The following MAPRE2 variants were observed in gnomAD, a reference collection of about 807,000 sequenced individuals.
MAPRE2 encodes the protein microtubule associated protein RP/EB family member 2, also known as microtubule-associated protein RP/EB family member 2.
In MAPRE2, 13 loss-of-function variants were observed where a neutral mutation model predicts 43.2. The observed-to-expected ratio is 0.30, with a 90% CI of 0.20 to 0.48. The LOEUF is 0.48. Ranked by LOEUF, MAPRE2 falls within the 20% of genes least tolerant of loss-of-function variation. MAPRE2 has a pLI of 0.99. For missense variants in MAPRE2, 161 were observed against 400.2 expected (o/e 0.40, Z 5.10); for synonymous variants, 135 against 148.8 (o/e 0.91, Z 0.68).
At chr18:35,002,136 T>C (rs1454122967) in intron 1 of MAPRE2, among the ~76,000 whole-genome samples, 1 of 152,194 alleles carries the variant, frequency 6.6e-6, no homozygotes, top group African/African-American at 2.4e-5. Context: ...TAATCTGTGC[T>C]CCATTTCTAT....
At chr18:35,020,762 A>T (rs1030897417) in intron 2 of MAPRE2, among the ~76,000 whole-genome samples, 1 of 152,172 alleles carries the variant, frequency 6.6e-6, no homozygotes, top group African/African-American at 2.4e-5. Flanking sequence ...CTGTGTCCAT[A>T]AATTTGATAT....
intron 1 of MAPRE2, among the ~76,000 whole-genome samples, chr18:35,053,173 C>T (rs903130364): frequency 6.6e-6 from 1 of 152,054 alleles, no homozygotes; most frequent in Non-Finnish European, 1.5e-5. Context: ...GTGGGTGGAT[C>T]ACTTGAGGTC....
At chr18:35,137,422 G>A (rs902570649) in intron 6 of MAPRE2, among the ~76,000 whole-genome samples, 3 of 152,222 alleles carry the variant, frequency 2.0e-5, no homozygotes, top group African/African-American at 7.2e-5. Flanking sequence ...TTTATTACAG[G>A]CTCAATGATT....
intron 6 of MAPRE2, 86 bp downstream of exon 6, chr18:35,132,276 C>A: frequency 8.0e-7 from 1 of 1,243,214 alleles, no homozygotes; most frequent in Non-Finnish European, 1.1e-6. Flanking sequence ...TAGAATACTT[C>A]CCCAGGACCT....
At chr18:35,045,166 T>C (rs1387332806) in intron 1 of MAPRE2, among the ~76,000 whole-genome samples, 1 of 152,238 alleles carries the variant, frequency 6.6e-6, no homozygotes, top group East Asian at 1.9e-4. Flanking sequence ...TTTTAAGACC[T>C]GCTTAAAAAA....
chr18:35,068,234 T>C (rs1370817453), intron 1 of MAPRE2, among the ~76,000 whole-genome samples: 1 of 152,224 alleles, frequency 6.6e-6, no homozygotes, highest in Non-Finnish European at 1.5e-5. Context: ...TATCTAGTCA[T>C]GTTTAAAAAT....
chr18:35,041,694 A>T, intron 1 of MAPRE2, 33 bp downstream of exon 1: 2 of 1,613,710 alleles, frequency 1.2e-6, no homozygotes, highest in Non-Finnish European at 1.7e-6. Flanking sequence ...AGCGCCGGGG[A>T]CCGCCGTGAG....
At chr18:34,998,617 G>A (rs1288567149) in intron 1 of MAPRE2, among the ~76,000 whole-genome samples, 6 of 151,498 alleles carry the variant, frequency 4.0e-5, no homozygotes, top group Non-Finnish European at 7.4e-5. Context: ...ATGAGCCACC[G>A]TGCCTGGCCT....
intron 2 of MAPRE2, among the ~76,000 whole-genome samples, chr18:35,091,009 C>A (rs1340328492): frequency 6.6e-6 from 1 of 151,922 alleles, no homozygotes; most frequent in Non-Finnish European, 1.5e-5. Flanking sequence ...AGCGAAGGAG[C>A]TGAAAGATTT....
chr18:35,035,652 T>G (rs956314838), intron 2 of MAPRE2, among the ~76,000 whole-genome samples: 1 of 150,928 alleles, frequency 6.6e-6, no homozygotes, highest in Non-Finnish European at 1.5e-5. Context: ...AGTAAACATA[T>G]CTCTTTCCTT....
chr18:35,095,398 A>G lies in MAPRE2; in HGVS notation c.251-2048A>G, dbSNP rs200325536. On this transcript the variant is annotated intron_variant, in intron 2 of 6. Coordinates refer to ENST00000300249, the MANE Select transcript of MAPRE2 (RefSeq NM_014268.4). ...CACACACACACACACACACACACAC[A>G]CACGCACACACACACTCCTTTCCAA... Among the ~76,000 whole-genome samples, 923 of 118,842 alleles carry G rather than the reference A, an allele frequency of 7.8e-3. 7 individuals are homozygous for G. The highest frequency in any genetic ancestry group is 0.037 in the African/African-American group (877 of 23,920). The allele number at this position is 118,842 out of a possible 152,430, so 78.0% of individuals were successfully genotyped here.
At chr18:34,986,009 C>G (rs1294910053) in intron 1 of MAPRE2, among the ~76,000 whole-genome samples, 6 of 151,884 alleles carry the variant, frequency 4.0e-5, no homozygotes, top group Non-Finnish European at 7.4e-5. Flanking sequence ...ATCCAAAAGT[C>G]TTCTGCTAAC....
chr18:34,981,261 C>T (rs575557953), intron 1 of MAPRE2, among the ~76,000 whole-genome samples: 89 of 151,978 alleles, frequency 5.9e-4, no homozygotes, highest in Non-Finnish European at 1.2e-3. Flanking sequence ...GTAGTCCCAG[C>T]TACTCGGGAG....
chr18:35,048,806 T>C (rs866470767), intron 1 of MAPRE2, among the ~76,000 whole-genome samples: 5 of 150,764 alleles, frequency 3.3e-5, no homozygotes, highest in African/African-American at 1.2e-4. Flanking sequence ...CATATATATG[T>C]ATATATAATT....
intron 2 of MAPRE2, among the ~76,000 whole-genome samples, chr18:35,082,804 C>T (rs946014634): frequency 1.3e-5 from 2 of 151,892 alleles, no homozygotes; most frequent in Admixed American, 1.3e-4. Flanking sequence ...TTTTATTGGG[C>T]AGACTTTGAA....
At chr18:35,116,843 A>G (rs1186518313) in intron 4 of MAPRE2, among the ~76,000 whole-genome samples, 1 of 152,228 alleles carries the variant, frequency 6.6e-6, no homozygotes, top group Non-Finnish European at 1.5e-5. Flanking sequence ...GCTATCATAC[A>G]AAAGCATGAA....
chr18:35,091,172 A>G (rs573630445), intron 2 of MAPRE2, among the ~76,000 whole-genome samples: 38 of 152,380 alleles, frequency 2.5e-4, no homozygotes, highest in African/African-American at 8.9e-4. Flanking sequence ...TAATGCTTCA[A>G]GATCTGAAAT....
At chr18:35,055,927 C>G (rs1383050870) in intron 1 of MAPRE2, among the ~76,000 whole-genome samples, 1 of 150,486 alleles carries the variant, frequency 6.6e-6, no homozygotes, top group Non-Finnish European at 1.5e-5. Flanking sequence ...TGCACTGCAG[C>G]CTGGGTGACA....
At chr18:35,124,880 T>G (rs1053401637) in intron 4 of MAPRE2, among the ~76,000 whole-genome samples, 1 of 152,134 alleles carries the variant, frequency 6.6e-6, no homozygotes, top group African/African-American at 2.4e-5. Flanking sequence ...GTTAAAGAAC[T>G]TGGTCAGCGG....
Sources: gnomAD v4.1 joint callset for allele counts (sites outside exome capture counted in the v4.1 genomes callset) on GRCh38, gnomAD v4.1.1 for gene constraint, MANE v1.5 for transcripts, NCBI Gene and HGNC (gene_info 2026-07-23, HGNC 2026-07-21) for gene names.